Variants in NCKAP5 observed in about 807,000 individuals in gnomAD.
The protein encoded by NCKAP5 is nck-associated protein 5.
A neutral mutation model predicts 167.0 loss-of-function variants in NCKAP5; 92 were observed. The observed-to-expected ratio is 0.55, with a 90% CI of 0.47 to 0.66. The LOEUF is 0.66. Among genes scored for constraint, NCKAP5 ranks in the 30% least tolerant of loss-of-function variants. The pLI is 0.00. For synonymous variants in NCKAP5, 891 were observed against 877.4 expected (o/e 1.02, Z -0.27); for missense variants, 2,378 against 2,315.0 (o/e 1.03, Z -0.56).
chr2:133,204,675 G>T (rs1416722569), intron 5 of NCKAP5, among the ~76,000 whole-genome samples: 1 of 152,116 alleles, frequency 6.6e-6, no homozygotes, highest in Admixed American at 6.5e-5. Context: ...TGGGTCACAG[G>T]CTGTGTTTTG....
intron 5 of NCKAP5, among the ~76,000 whole-genome samples, chr2:133,182,386 TA>T (rs1266653876): frequency 6.6e-6 from 1 of 152,124 alleles, no homozygotes; most frequent in Non-Finnish European, 1.5e-5. Flanking sequence ...TCCTGAGCCA[TA>T]AAAAACTCAG....
chr2:133,674,555 C>T, the NCKAP5 span, among the ~76,000 whole-genome samples: 2 of 152,136 alleles, frequency 1.3e-5, no homozygotes, highest in African/African-American at 4.8e-5. Flanking sequence ...CACAGGCAAA[C>T]TCTGCACGCT....
Position 132,779,643 on chromosome 2 carries a change from T to C in NCKAP5, c.5049+1409A>G, listed in dbSNP as rs570813345. ...TTTTGCAACGAACATAATCTGCATA[T>C]AATTTTGGAGAGTTTGTAAAAAAGA... On this transcript the variant is annotated intron_variant, in intron 15 of 19. Transcript: ENST00000409261. 1.2e-3 allele frequency among the ~76,000 whole-genome samples: 180 copies of C among 151,258 alleles called. 1 individual carries two copies. The highest frequency in any genetic ancestry group is 4.2e-3 in the African/African-American group (172 of 41,104).
chr2:133,593,523 A>T, the NCKAP5 span, among the ~76,000 whole-genome samples: 1 of 152,020 alleles, frequency 6.6e-6, no homozygotes, highest in Non-Finnish European at 1.5e-5. Flanking sequence ...TTAAAATTTT[A>T]TTTTTTTTAA....
chr2:132,805,728 T>A (rs1370986194), intron 11 of NCKAP5, among the ~76,000 whole-genome samples: 2 of 151,886 alleles, frequency 1.3e-5, no homozygotes, highest in Non-Finnish European at 2.9e-5. Flanking sequence ...AGTGTTTACA[T>A]TATTATTATT....
At chr2:133,428,148 T>C (rs1266884805) in intron 3 of NCKAP5, among the ~76,000 whole-genome samples, 2 of 152,078 alleles carry the variant, frequency 1.3e-5, no homozygotes, top group Non-Finnish European at 2.9e-5. Flanking sequence ...TATTCAAGAA[T>C]ATTCACAAAC....
At chr2:133,332,019 G>A (rs550571287) in intron 3 of NCKAP5, among the ~76,000 whole-genome samples, 3 of 152,108 alleles carry the variant, frequency 2.0e-5, no homozygotes, top group East Asian at 1.9e-4. Flanking sequence ...TGTGTCACAC[G>A]TGTGTAGACC....
At chr2:133,590,860 T>C in the NCKAP5 span, among the ~76,000 whole-genome samples, 2 of 152,012 alleles carry the variant, frequency 1.3e-5, no homozygotes, top group African/African-American at 4.8e-5. Context: ...CGAAAGTTTG[T>C]TCACAAAGTA....
intron 3 of NCKAP5, among the ~76,000 whole-genome samples, chr2:133,309,561 C>T (rs1681083068): frequency 6.6e-6 from 1 of 152,188 alleles, no homozygotes; most frequent in African/African-American, 2.4e-5. Context: ...GACATCTGTT[C>T]CCTGGCTAAA....
Position 133,389,214 on chromosome 2 carries a change from C to A in NCKAP5, c.70-86104G>T, listed in dbSNP as rs548857742. Among the ~76,000 whole-genome samples the A allele has an allele frequency of 2.6e-5, 4 of 152,328 alleles. No individual in the cohort carries two copies. The East Asian group carries it at 7.7e-4, about 29-fold the overall frequency. On this transcript the variant is annotated intron_variant, in intron 3 of 19. Coordinates refer to ENST00000409261, the MANE Select transcript of NCKAP5 (RefSeq NM_207363.3). ...TTCTAGGATTTCTGAGGGAAAGTTG[C>A]TTGTTGGCTATTTCAGTCATTCAAA... is the stretch of plus-strand genomic sequence containing the variant.
chr2:132,973,068 C>A (rs1169931710), intron 7 of NCKAP5, among the ~76,000 whole-genome samples: 8 of 152,116 alleles, frequency 5.3e-5, no homozygotes, highest in Admixed American at 5.2e-4. Flanking sequence ...ATACTCAGTT[C>A]CACTGGGTGG....
intron 4 of NCKAP5, among the ~76,000 whole-genome samples, 189 bp downstream of exon 4, chr2:133,302,847 CA>C (rs1472412071): frequency 6.6e-6 from 1 of 151,590 alleles, no homozygotes; most frequent in Non-Finnish European, 1.5e-5. Context: ...AAGCAAGGAT[CA>C]AATAATTTGG....
At chr2:133,426,382 T>TG (rs1689802597) in intron 3 of NCKAP5, among the ~76,000 whole-genome samples, 1 of 142,458 alleles carries the variant, frequency 7.0e-6, no homozygotes, top group Non-Finnish European at 1.6e-5. Context: ...AATGCTTTTA[T>TG]TTAAAAAAAA....
chr2:133,349,166 C>G (rs751274300), intron 3 of NCKAP5, among the ~76,000 whole-genome samples: 1 of 152,172 alleles, frequency 6.6e-6, no homozygotes, highest in East Asian at 1.9e-4. Context: ...AAATTCAAGG[C>G]CTATATTCCC....
chr2:133,368,147 A>C (rs1685570387), intron 3 of NCKAP5, among the ~76,000 whole-genome samples: 1 of 152,236 alleles, frequency 6.6e-6, no homozygotes, highest in Non-Finnish European at 1.5e-5. Context: ...CTATTCTTTA[A>C]AACACATTTT....
intron 11 of NCKAP5, among the ~76,000 whole-genome samples, chr2:132,822,654 A>T (rs1686835266): frequency 6.6e-6 from 1 of 152,224 alleles, no homozygotes; most frequent in Admixed American, 6.5e-5. Flanking sequence ...ACAGGGTTCT[A>T]TAACAAGCCC....
intron 6 of NCKAP5, among the ~76,000 whole-genome samples, chr2:133,089,891 C>T (rs1055507678): frequency 2.6e-5 from 4 of 152,142 alleles, no homozygotes; most frequent in Non-Finnish European, 4.4e-5. Context: ...TAGTCAAGAC[C>T]TTTGTTTTGT....
the NCKAP5 span, among the ~76,000 whole-genome samples, chr2:133,639,928 C>T: frequency 1.3e-5 from 2 of 152,072 alleles, no homozygotes; most frequent in African/African-American, 2.4e-5. Flanking sequence ...GGACGAATCC[C>T]ACCAACACAA....
intron 4 of NCKAP5, among the ~76,000 whole-genome samples, chr2:133,232,279 C>T (rs1042372000): frequency 6.6e-6 from 1 of 152,118 alleles, no homozygotes; most frequent in African/African-American, 2.4e-5. Flanking sequence ...TGGCAACACT[C>T]TATCTCTAAA....
Sources: gnomAD v4.1 joint callset for allele counts (sites outside exome capture counted in the v4.1 genomes callset) on GRCh38, gnomAD v4.1.1 for gene constraint, MANE v1.5 for transcripts, NCBI Gene and HGNC (gene_info 2026-07-23, HGNC 2026-07-21) for gene names.